PAXIP1: variants seen among roughly 807,000 people sequenced by gnomAD.
PAXIP1 encodes the protein PAX interacting protein 1.
A neutral mutation model predicts 140.6 loss-of-function variants in PAXIP1; 19 were observed. The ratio of observed to expected loss-of-function variants is 0.14; its 90% CI spans 0.09 to 0.20. PAXIP1 has a LOEUF of 0.20. Among genes scored for constraint, PAXIP1 ranks in the 10% least tolerant of loss-of-function variants. PAXIP1 has a pLI of 1.00. For synonymous variants in PAXIP1, 442 were observed against 444.6 expected (o/e 0.99, Z 0.07); for missense variants, 920 against 1,208.6 (o/e 0.76, Z 3.54).
intron 5 of PAXIP1, among the ~76,000 whole-genome samples, chr7:154,977,284 G>C (rs1809624197): frequency 6.6e-6 from 1 of 152,190 alleles, no homozygotes; most frequent in Non-Finnish European, 1.5e-5. Flanking sequence ...AAATAAATGA[G>C]TTGTAAATTT....
intron 1 of PAXIP1, among the ~76,000 whole-genome samples, chr7:154,999,589 G>A (rs1454009577): frequency 6.6e-6 from 1 of 152,196 alleles, no homozygotes; most frequent in Non-Finnish European, 1.5e-5. Context: ...GGCAAGCCTT[G>A]GTGTCTGGAA....
chr7:154,996,732 G>A lies in PAXIP1; in HGVS notation c.216+1918C>T, dbSNP rs140658320. Reference sequence around the variant, plus strand: ...TTATTATTTACTTGCCTTTTATTTCGCCTTCACATTTCAGTTTGGGCAATT... The same window carrying A: ...TTATTATTTACTTGCCTTTTATTTCACCTTCACATTTCAGTTTGGGCAATT... On this transcript the variant is annotated intron_variant, in intron 2 of 20. Coordinates refer to ENST00000404141, the MANE Select transcript of PAXIP1 (RefSeq NM_007349.4). Among the ~76,000 whole-genome samples the A allele has an allele frequency of 1.7e-3, 266 of 152,134 alleles. 2 individuals are homozygous for A. Among genetic ancestry groups the A allele is most frequent in the African/African-American group, 3.8e-3 (157 of 41,494 alleles).
chr7:154,963,035 C>T lies in PAXIP1; in HGVS notation c.1990-577G>A, dbSNP rs190183197. Among the ~76,000 whole-genome samples the T allele has an allele frequency of 3.9e-5, 6 of 152,256 alleles. No homozygotes were observed. Among genetic ancestry groups the T allele is most frequent in the African/African-American group, 9.6e-5 (4 of 41,544 alleles). The stretch of plus-strand genomic sequence containing the variant: ...AATATTGAGGAGAAAGCCTGCACCC[C>T]GGTAGTTTTAGAAAAGCTCTGTAAG... On this transcript the variant is annotated intron_variant, in intron 9 of 20. Transcript: ENST00000404141. The surrounding 1 kb of genome is among the most constrained non-coding windows in gnomAD (Gnocchi z 4.1).
rs566129507 is a variant in PAXIP1 at position 154,997,087 on chromosome 7, C to A, written c.216+1563G>T. ...GCAGTACAAGGAAGCAAGCCAGAGA[C>A]AAAAACATGTTCCAAAGAAGAGGGT... On this transcript the variant is annotated intron_variant, in intron 2 of 20. Transcript: ENST00000404141. Among the ~76,000 whole-genome samples the A allele has an allele frequency of 4.6e-5, 7 of 152,254 alleles. No individual in the cohort carries two copies. In the East Asian group the frequency reaches 1.4e-3, roughly 29 times the overall value.
At chr7:154,945,303 T>A (rs1309075228) in intron 20 of PAXIP1, 1 of 168,408 alleles carries the variant, frequency 5.9e-6, no homozygotes, top group East Asian at 1.9e-4. Flanking sequence ...TTAAAAGTGC[T>A]TTTCTCTCAG....
rs143430281 is a variant in PAXIP1, at chr7:154,947,574, A to G, written c.2922+329T>C. ...AGTAAGCGATGTCCTCTAAAGATTT[A>G]TTAAAAGCAGAAAAATGAACATGCC... On this transcript the variant is annotated intron_variant, in intron 17 of 20. Coordinates refer to ENST00000404141, the MANE Select transcript of PAXIP1 (RefSeq NM_007349.4). 333 of 250,416 alleles carry G rather than the reference A, an allele frequency of 1.3e-3. 2 individuals are homozygous for G. Among genetic ancestry groups the G allele is most frequent in the African/African-American group, 6.8e-3 (307 of 45,342 alleles). 15.5% of individuals were successfully genotyped at this position (250,416 alleles called of 1,614,324 possible). A position where few individuals can be genotyped will look rare whatever the true frequency, so the allele number is the denominator to read the frequency against.
intron 2 of PAXIP1, among the ~76,000 whole-genome samples, chr7:154,998,174 G>A (rs887777503): frequency 2.0e-5 from 3 of 152,184 alleles, no homozygotes; most frequent in South Asian, 2.1e-4. Context: ...TTACTCAGAC[G>A]TTAAAGATGT....
chr7:154,975,006 A>T (rs1411173315), intron 6 of PAXIP1, among the ~76,000 whole-genome samples: 2 of 151,026 alleles, frequency 1.3e-5, no homozygotes, highest in African/African-American at 4.9e-5. Context: ...AAAAAAAAAA[A>T]ATTAGCCAGG....
At position 155,002,904 on chromosome 7, in the gene PAXIP1, G is replaced by T; in HGVS notation, c.26C>A (p.Pro9His). Residue 9 changes from proline (P) to histidine (H), a missense_variant, in exon 1 of 21, where the codon CCT (proline) becomes CAT (histidine). Transcript: ENST00000404141. ...CTTGACCTCCCTGAACATCTCCTCA[G>T]GAACTTTGGGCGCCTGGTCCGACAT... MSDQAPKV[P>H]EEMFREVKYY... The T allele has an allele frequency of 7.2e-7, 1 of 1,382,658 alleles. No individual in the cohort carries two copies. The highest frequency in any genetic ancestry group is 1.4e-5 in the South Asian group (1 of 69,848). 85.6% of individuals were successfully genotyped at this position (1,382,658 alleles called of 1,614,324 possible).
chr7:154,975,370 C>T (rs1189542716), intron 6 of PAXIP1, among the ~76,000 whole-genome samples: 2 of 152,148 alleles, frequency 1.3e-5, no homozygotes, highest in Non-Finnish European at 2.9e-5. Context: ...CTCTTTGCTG[C>T]CATTGCTAAT....
At chr7:154,953,295 G>A (rs962371629) in intron 16 of PAXIP1, among the ~76,000 whole-genome samples, 1 of 152,194 alleles carries the variant, frequency 6.6e-6, no homozygotes, top group African/African-American at 2.4e-5. Context: ...GCGAGAACAC[G>A]TCAATATAGG....
chr7:154,957,792 C>A (rs1344033073), intron 13 of PAXIP1, among the ~76,000 whole-genome samples: 2 of 151,116 alleles, frequency 1.3e-5, no homozygotes, highest in African/African-American at 4.9e-5. Context: ...AAGGTGAAAC[C>A]CCGTCTCTAC....
chr7:154,958,186 G>A (rs1808613119), intron 13 of PAXIP1, among the ~76,000 whole-genome samples: 2 of 152,142 alleles, frequency 1.3e-5, no homozygotes, highest in African/African-American at 4.8e-5. Context: ...ACCAGCTCCA[G>A]TCCCTGACCC....
intron 4 of PAXIP1, among the ~76,000 whole-genome samples, chr7:154,988,419 C>T (rs1810170786): frequency 6.6e-6 from 1 of 152,140 alleles, no homozygotes; most frequent in South Asian, 2.1e-4. Context: ...TGTATGTCTA[C>T]ACTATAACCT....
In PAXIP1 at chr7:154,968,891, T is replaced by C. The variant is rs1809161786; in HGVS notation, c.1310A>G (p.Gln437Arg). The C allele has an allele frequency of 1.3e-5, 15 of 1,123,728 alleles. No individual in the cohort carries two copies. Among genetic ancestry groups the C allele is most frequent in the Non-Finnish European group, 1.8e-5 (14 of 757,850 alleles). The allele number at this position is 1,123,728 out of a possible 1,614,324, so 69.6% of individuals were successfully genotyped here. A position where few individuals can be genotyped will look rare whatever the true frequency, so the allele number is the denominator to read the frequency against. Residue 437 changes from glutamine to arginine, a missense_variant, in exon 7 of 21, where the codon CAG (glutamine) becomes CGG (arginine). Gln to Arg is a conservative substitution (Grantham distance 43, BLOSUM62 1). Around this residue, in one of 5 missense-constraint regions of PAXIP1, gnomAD observed 133 missense variants for 88.4 expected, o/e 1.50. Transcript: ENST00000404141. ...LQQQQQQQIS[Q>R]QPYPQQPPHP... The stretch of plus-strand genomic sequence containing the variant: ...CGGCGGCTGCTGGGGGTAAGGTTGC[T>C]GAGAGATCTGCTGCTGCTGCTGCTG...
At chr7:154,976,390 C>T (rs184020232) in intron 5 of PAXIP1, 59 bp from the exon 6 acceptor site, 3 of 1,512,634 alleles carry the variant, frequency 2.0e-6, no homozygotes, top group South Asian at 2.7e-5. Context: ...ACATTTCCTA[C>T]AATTACGCAT....
intron 13 of PAXIP1, among the ~76,000 whole-genome samples, chr7:154,959,475 A>G (rs994594377): frequency 6.6e-6 from 1 of 152,154 alleles, no homozygotes; most frequent in African/African-American, 2.4e-5. Flanking sequence ...CTGATCTTCC[A>G]CTCATCATGC....
rs1808414512 is a variant in PAXIP1, at chr7:154,954,326, G to A, written c.2750C>T (p.Ala917Val). The change falls in exon 16 of 21, where the codon GCG becomes GTG. Residue 917 changes from alanine (A) to valine (V), a missense_variant. Physicochemically the swap from Ala to Val is moderately conservative, Grantham distance 64. Transcript: ENST00000404141. The surrounding 1 kb of genome is among the most constrained non-coding windows in gnomAD (Gnocchi z 5.1). Reference protein sequence around the residue: ...KVTRTVKFLTAISVVKHIVTP... With the variant: ...KVTRTVKFLTVISVVKHIVTP... ...CACTATGTGCTTCACGACAGAAATCGCCGTCAGGAACTTCACGGTGCGAGT... is the reference window on the plus strand; with the variant it reads ...CACTATGTGCTTCACGACAGAAATCACCGTCAGGAACTTCACGGTGCGAGT... 1.2e-6 allele frequency: 2 copies of A among 1,603,286 alleles called. No homozygotes were observed. Among genetic ancestry groups the A allele is most frequent in the Non-Finnish European group, 1.7e-6 (2 of 1,172,692 alleles).
chr7:155,002,331 G>C (rs755614225), intron 1 of PAXIP1, among the ~76,000 whole-genome samples: 54 of 152,164 alleles, frequency 3.5e-4, no homozygotes, highest in South Asian at 6.2e-4. Flanking sequence ...CGCACAGGAC[G>C]GCAGCTGCCC....
Sources: gnomAD v4.1 joint callset for allele counts (sites outside exome capture counted in the v4.1 genomes callset) on GRCh38, gnomAD v4.1.1 for gene constraint, gnomAD v4.1.1 regional missense constraint, Gnocchi (gnomAD v3.1) non-coding constraint, MANE v1.5 for transcripts, NCBI Gene and HGNC (gene_info 2026-07-23, HGNC 2026-07-21) for gene names.